The following MAST2 variants were observed in gnomAD, a reference collection of about 807,000 sequenced individuals.
MAST2 encodes the protein microtubule-associated serine/threonine-protein kinase 2.
MAST2 carries 70 observed loss-of-function variants against 147.4 expected under a neutral mutation model. That is an observed-to-expected ratio of 0.47 (90% CI 0.39 to 0.58). The LOEUF (loss-of-function observed/expected upper bound fraction) is 0.58, where lower values mean the gene tolerates loss of function less well. Among genes scored for constraint, MAST2 ranks in the 20% least tolerant of loss-of-function variants. The pLI is 0.00. For missense variants in MAST2, 2,080 were observed against 2,302.3 expected (o/e 0.90, Z 1.98); for synonymous variants, 869 against 896.8 (o/e 0.97, Z 0.55).
At chr1:45,835,689 T>C (rs1467415514) in intron 3 of MAST2, among the ~76,000 whole-genome samples, 1 of 152,144 alleles carries the variant, frequency 6.6e-6, no homozygotes, top group Non-Finnish European at 1.5e-5. Context: ...CCATCACCTT[T>C]ATCAAGTTTT....
chr1:45,991,135 G>A (rs1416366219), intron 5 of MAST2, among the ~76,000 whole-genome samples: 11 of 152,042 alleles, frequency 7.2e-5, no homozygotes, highest in Admixed American at 1.3e-4. Context: ...AGCACCATTC[G>A]TCAATGAGAA....
At chr1:45,986,452 A>C (rs1404910049) in intron 5 of MAST2, among the ~76,000 whole-genome samples, 1 of 152,194 alleles carries the variant, frequency 6.6e-6, no homozygotes, top group African/African-American at 2.4e-5. Flanking sequence ...ACGGTGGCTC[A>C]TGCCTGTAAT....
intron 4 of MAST2, among the ~76,000 whole-genome samples, chr1:45,914,090 T>C (rs1021837357): frequency 6.6e-6 from 1 of 152,206 alleles, no homozygotes; most frequent in African/African-American, 2.4e-5. Flanking sequence ...TTAGATGTCA[T>C]TTTAGGGGTT....
At chr1:45,983,743 G>A (rs11211238) in intron 5 of MAST2, among the ~76,000 whole-genome samples, 51,555 of 151,940 alleles carry the variant, frequency 0.34, 9,125 homozygotes, top group African/African-American at 0.43. Flanking sequence ...TCCTCCCACA[G>A]TGTTAGGATT....
chr1:45,960,845 C>T (rs997037388), intron 5 of MAST2, among the ~76,000 whole-genome samples: 3 of 152,130 alleles, frequency 2.0e-5, no homozygotes, highest in East Asian at 1.9e-4. Flanking sequence ...TGTCTTTGGG[C>T]GTTAAAGCAG....
intron 7 of MAST2, among the ~76,000 whole-genome samples, chr1:46,005,848 C>T (rs563521975): frequency 4.6e-5 from 7 of 152,312 alleles, no homozygotes; most frequent in African/African-American, 1.7e-4. Flanking sequence ...GGAAACATTG[C>T]TGAGCTGCCC....
At chr1:45,827,438 T>G (rs1644827591) in intron 2 of MAST2, among the ~76,000 whole-genome samples, 1 of 152,108 alleles carries the variant, frequency 6.6e-6, no homozygotes, top group Non-Finnish European at 1.5e-5. Context: ...TTCTACAGTG[T>G]GTAAGCCTCT....
chr1:45,856,748 G>A (rs1219781651), intron 3 of MAST2, among the ~76,000 whole-genome samples: 1 of 151,512 alleles, frequency 6.6e-6, no homozygotes, highest in Middle Eastern at 3.2e-3. Context: ...ATGGAACCAT[G>A]TTTTGTATAT....
intron 3 of MAST2, among the ~76,000 whole-genome samples, chr1:45,839,628 A>G (rs1645212944): frequency 6.6e-6 from 1 of 152,200 alleles, no homozygotes; most frequent in Non-Finnish European, 1.5e-5. Flanking sequence ...TATAGATTTA[A>G]TGCAGTCCCG....
intron 5 of MAST2, among the ~76,000 whole-genome samples, chr1:45,979,149 G>C (rs1644295787): frequency 1.3e-5 from 2 of 152,170 alleles, no homozygotes; most frequent in African/African-American, 4.8e-5. Flanking sequence ...TTTTGATCAG[G>C]AGGGATTATG....
intron 5 of MAST2, among the ~76,000 whole-genome samples, chr1:45,963,244 C>T (rs1338457488): frequency 8.5e-5 from 13 of 152,124 alleles, no homozygotes; most frequent in Admixed American, 1.3e-4. Context: ...CTTGGCAATG[C>T]GGGCTCTTTT....
At chr1:45,976,750 G>A (rs2149028901) in intron 5 of MAST2, among the ~76,000 whole-genome samples, 1 of 152,284 alleles carries the variant, frequency 6.6e-6, no homozygotes, top group South Asian at 2.1e-4. Flanking sequence ...GGGAATGTTT[G>A]AAATAAAGAA....
chr1:45,971,650 G>C (rs1163385861), intron 5 of MAST2, among the ~76,000 whole-genome samples: 1 of 152,172 alleles, frequency 6.6e-6, no homozygotes, highest in Non-Finnish European at 1.5e-5. Flanking sequence ...GATGCTTAAA[G>C]GAATTCTCTT....
intron 4 of MAST2, among the ~76,000 whole-genome samples, chr1:45,915,471 G>A (rs1652338939): frequency 6.6e-6 from 1 of 152,194 alleles, no homozygotes; most frequent in Non-Finnish European, 1.5e-5. Context: ...AGCACTTTGG[G>A]AGGCCGAGGC....
In MAST2 at chr1:45,994,274, CTTTTTT is replaced by C. The variant is rs869216588; in HGVS notation, c.593-3430_593-3425del. The stretch of plus-strand genomic sequence containing the variant: ...GCAAGTGGCTCAAAGCCCTAACCCT[CTTTTTT>C]TTTTTTTTTTTTTTTTTTTGAGAAG... On this transcript the variant is annotated intron_variant, in intron 5 of 28. Coordinates refer to ENST00000361297, the MANE Select transcript of MAST2 (RefSeq NM_015112.3). Among the ~76,000 whole-genome samples, 30 of 62,032 alleles carry C rather than the reference CTTTTTT, an allele frequency of 4.8e-4. 1 individual carries two copies. Among genetic ancestry groups the C allele is most frequent in the Admixed American group, 3.4e-3 (14 of 4,128 alleles). The allele number at this position is 62,032 out of a possible 152,430, so 40.7% of individuals were successfully genotyped here.
intron 5 of MAST2, among the ~76,000 whole-genome samples, chr1:45,991,714 T>G (rs925524031): frequency 6.6e-6 from 1 of 152,232 alleles, no homozygotes; most frequent in African/African-American, 2.4e-5. Context: ...ATATTAGCAT[T>G]GTATCCTGCA....
chr1:45,882,451 T>C, intron 4 of MAST2, 56 bp downstream of exon 4: 9 of 1,330,816 alleles, frequency 6.8e-6, no homozygotes, highest in Non-Finnish European at 8.6e-6. Context: ...GAACCCCTCT[T>C]GGGAACATTT....
At chr1:46,034,417 G>C (rs1354883909) in intron 28 of MAST2, 121 bp from the exon 29 acceptor site, 1 of 1,331,126 alleles carries the variant, frequency 7.5e-7, no homozygotes, top group African/African-American at 1.5e-5. Flanking sequence ...TAATTGATGG[G>C]GAAGGGGGTA....
chr1:45,957,550 C>A (rs563885959), intron 4 of MAST2, among the ~76,000 whole-genome samples: 2 of 152,286 alleles, frequency 1.3e-5, no homozygotes, highest in East Asian at 3.9e-4. Flanking sequence ...TAGCCATGAA[C>A]CCCTGGAGTC....
Sources: gnomAD v4.1 joint callset for allele counts (sites outside exome capture counted in the v4.1 genomes callset) on GRCh38, gnomAD v4.1.1 for gene constraint, MANE v1.5 for transcripts, NCBI Gene and HGNC (gene_info 2026-07-23, HGNC 2026-07-21) for gene names.